Variants in FSTL4 observed in about 807,000 individuals in gnomAD.
The protein encoded by FSTL4 is follistatin like 4.
A neutral mutation model predicts 78.2 loss-of-function variants in FSTL4; 28 were observed. That is an observed-to-expected ratio of 0.36 (90% CI 0.27 to 0.49). The LOEUF (loss-of-function observed/expected upper bound fraction) is 0.49. Ranked by LOEUF, FSTL4 falls within the 20% of genes least tolerant of loss-of-function variation. The pLI, the probability that FSTL4 is intolerant of heterozygous loss-of-function variation, is 0.98. For missense variants in FSTL4, 922 were observed against 1,084.9 expected, an observed-to-expected ratio of 0.85 and a Z score of 2.11; for synonymous variants, 422 against 440.5, an observed-to-expected ratio of 0.96 and a Z score of 0.53.
Position 133,567,172 on chromosome 5 carries a change from T to C in FSTL4, c.160+14A>G, listed in dbSNP as rs1760043519. ...ACACTGAAAATAAAATGGGTATGAG[T>C]GCATTTTTCCTACCTTCTCTTCTTG... On this transcript the variant is annotated intron_variant, in intron 3 of 15. Transcript: ENST00000265342. 1 of 1,573,646 alleles carries C rather than the reference T, an allele frequency of 6.4e-7. No individual in the cohort carries two copies.
At chr5:133,247,637 C>T (rs1752081217) in intron 7 of FSTL4, 1 of 152,330 alleles carries the variant, frequency 6.6e-6, no homozygotes, top group Non-Finnish European at 1.5e-5. Context: ...TTGCTAAGTT[C>T]TCAGACAAGC....
intron 4 of FSTL4, 135 bp from the exon 5 acceptor site, chr5:133,316,787 C>A: frequency 1.6e-6 from 1 of 628,984 alleles, no homozygotes; most frequent in Non-Finnish European, 2.7e-6. Context: ...GTGCAACTGT[C>A]GTCGATGGGA....
chr5:133,771,382 A>G, the FSTL4 span, among the ~76,000 whole-genome samples: 6 of 152,146 alleles, frequency 3.9e-5, 1 homozygote, highest in Admixed American at 3.9e-4. Flanking sequence ...TGAGTCTTGT[A>G]CAATTTCTTT....
intron 3 of FSTL4, among the ~76,000 whole-genome samples, chr5:133,549,175 CT>C (rs1052042177): frequency 1.3e-5 from 2 of 152,082 alleles, no homozygotes; most frequent in African/African-American, 4.8e-5. Flanking sequence ...ACCATTATCC[CT>C]TCCAATATTA....
intron 3 of FSTL4, among the ~76,000 whole-genome samples, chr5:133,456,840 G>C (rs567148842): frequency 2.0e-5 from 3 of 152,326 alleles, no homozygotes; most frequent in South Asian, 4.1e-4. Flanking sequence ...GAGTTGAGAA[G>C]AGCTGGGAGC....
At chr5:133,637,473 T>C in the FSTL4 span, among the ~76,000 whole-genome samples, 1 of 152,042 alleles carries the variant, frequency 6.6e-6, no homozygotes, top group Non-Finnish European at 1.5e-5. Flanking sequence ...AATAGAAAAA[T>C]GTCCCTGTGC....
intron 1 of FSTL4, 62 bp from the exon 2 acceptor site, chr5:133,604,055 G>T: frequency 8.1e-7 from 1 of 1,231,708 alleles, no homozygotes; most frequent in South Asian, 1.2e-5. Flanking sequence ...ATAAGTCACA[G>T]TGAGTTAGTA....
At chr5:133,747,291 C>A in the FSTL4 span, among the ~76,000 whole-genome samples, 1 of 152,146 alleles carries the variant, frequency 6.6e-6, no homozygotes, top group Admixed American at 6.5e-5. Context: ...TTTAAGTTTT[C>A]CTTCCTAACT....
At chr5:133,342,620 G>A (rs1365515612) in intron 4 of FSTL4, among the ~76,000 whole-genome samples, 2 of 152,198 alleles carry the variant, frequency 1.3e-5, no homozygotes, top group Admixed American at 1.3e-4. Flanking sequence ...TGGACGTCCA[G>A]CCTGAATCAG....
chr5:133,370,600 G>A (rs745341912), intron 4 of FSTL4, among the ~76,000 whole-genome samples: 1 of 152,022 alleles, frequency 6.6e-6, no homozygotes, highest in Non-Finnish European at 1.5e-5. Context: ...GGACAGGCTC[G>A]GGGAAGGGCA....
intron 3 of FSTL4, among the ~76,000 whole-genome samples, chr5:133,541,235 C>T (rs1483890409): frequency 6.6e-6 from 1 of 152,210 alleles, no homozygotes; most frequent in African/African-American, 2.4e-5. Context: ...GGATTCAGCT[C>T]AGAAGCCTCT....
At chr5:133,657,109 G>C in the FSTL4 span, among the ~76,000 whole-genome samples, 1 of 152,192 alleles carries the variant, frequency 6.6e-6, no homozygotes, top group Non-Finnish European at 1.5e-5. Context: ...ATGCCTATTA[G>C]TAAGTAGATT....
At chr5:133,317,252 C>T (rs1753931015) in intron 4 of FSTL4, among the ~76,000 whole-genome samples, 1 of 152,242 alleles carries the variant, frequency 6.6e-6, no homozygotes, top group Admixed American at 6.5e-5. Context: ...CTCGTTTTAT[C>T]CCAGGCGCGC....
chr5:133,634,992 T>C, the FSTL4 span, among the ~76,000 whole-genome samples: 1 of 152,178 alleles, frequency 6.6e-6, no homozygotes, highest in African/African-American at 2.4e-5. Context: ...GGATCTCTTA[T>C]TTATTGCATC....
chr5:133,368,902 G>C (rs767775320), intron 4 of FSTL4, among the ~76,000 whole-genome samples: 1 of 152,218 alleles, frequency 6.6e-6, no homozygotes, highest in East Asian at 1.9e-4. Context: ...ACTGAATAAA[G>C]ATCAGCTGGC....
the FSTL4 span, among the ~76,000 whole-genome samples, chr5:133,745,202 G>A: frequency 6.6e-6 from 1 of 152,256 alleles, no homozygotes; most frequent in Non-Finnish European, 1.5e-5. Context: ...CCTCAGCACA[G>A]GCAAAGCCCT....
At chr5:133,433,870 A>G (rs981667087) in intron 3 of FSTL4, among the ~76,000 whole-genome samples, 2 of 152,056 alleles carry the variant, frequency 1.3e-5, no homozygotes, top group Non-Finnish European at 2.9e-5. Flanking sequence ...GAAAGGCTGA[A>G]GCAAGGCGGG....
At chr5:133,385,941 T>C (rs1404796511) in intron 4 of FSTL4, among the ~76,000 whole-genome samples, 1 of 152,162 alleles carries the variant, frequency 6.6e-6, no homozygotes, top group Non-Finnish European at 1.5e-5. Context: ...GTGTTTTTTT[T>C]TTAAATTATA....
the FSTL4 span, among the ~76,000 whole-genome samples, chr5:133,763,498 G>A: frequency 2.0e-5 from 3 of 152,226 alleles, no homozygotes; most frequent in Admixed American, 6.5e-5. Flanking sequence ...CGGTCCCACA[G>A]CCCCTCTGAG....
Sources: allele counts gnomAD v4.1 joint callset (sites outside exome capture counted in the v4.1 genomes callset), GRCh38; gene constraint gnomAD v4.1.1; transcripts MANE v1.5; gene names NCBI Gene and HGNC (gene_info 2026-07-23, HGNC 2026-07-21).